PACRGL: variants seen among roughly 807,000 people sequenced by gnomAD.
The protein encoded by PACRGL is parkin coregulated like.
In PACRGL, 38 loss-of-function variants were observed where a neutral mutation model predicts 34.5. That is an observed-to-expected ratio of 1.10 (90% confidence interval 0.85 to 1.44). PACRGL has a LOEUF of 1.44. Among genes scored for constraint, PACRGL ranks in the 40% most tolerant of loss-of-function variants. The pLI, the probability that PACRGL is intolerant of heterozygous loss-of-function variation, is 0.00. For missense variants in PACRGL, 305 were observed against 281.4 expected, an observed-to-expected ratio of 1.08 and a Z score of -0.60; for synonymous variants, 128 against 100.1, an observed-to-expected ratio of 1.28 and a Z score of -1.66.
At chr4:20,705,343 C>A (rs1400106318) in intron 3 of PACRGL, among the ~76,000 whole-genome samples, 1 of 152,066 alleles carries the variant, frequency 6.6e-6, no homozygotes. Context: ...GTTATTTGCC[C>A]CATGCCCAAC....
Position 20,728,513 on chromosome 4 carries a change from T to C in PACRGL, c.*1172T>C, listed in dbSNP as rs1027471606. ...CTTGCTTTTACCTGTTTTCATTGCA[T>C]TGAGCACCATCCAGAGCTATCTGCC... On this transcript the variant is annotated 3_prime_UTR_variant, in exon 9 of 9. Transcript: ENST00000503585. 6.6e-6 allele frequency: 1 copy of C among 152,328 alleles called. No individual in the cohort carries two copies. Among genetic ancestry groups the C allele is most frequent in the African/African-American group, 2.4e-5 (1 of 41,454 alleles). The allele number at this position is 152,328 out of a possible 1,614,324, so 9.4% of individuals were successfully genotyped here. A position where few individuals can be genotyped will look rare whatever the true frequency, so the allele number is the denominator to read the frequency against.
At chr4:20,711,208 A>G (rs1474909296) in intron 5 of PACRGL, among the ~76,000 whole-genome samples, 1 of 152,064 alleles carries the variant, frequency 6.6e-6, no homozygotes, top group Non-Finnish European at 1.5e-5. Context: ...TTGAAAGTGT[A>G]GTGAAGCTAA....
At chr4:20,710,380 T>G (rs1258225598) in intron 5 of PACRGL, among the ~76,000 whole-genome samples, 3 of 152,238 alleles carry the variant, frequency 2.0e-5, no homozygotes, top group Non-Finnish European at 4.4e-5. Flanking sequence ...TGCTATCTTC[T>G]ATGAATTTTA....
At chr4:20,743,054 G>A (rs1302708778) in intron 8 of PACRGL, among the ~76,000 whole-genome samples, 2 of 123,364 alleles carry the variant, frequency 1.6e-5, no homozygotes, top group Non-Finnish European at 3.4e-5. Flanking sequence ...TTATAAGGGT[G>A]TGAAGGACCC....
rs188710353 is a variant in PACRGL, at chr4:20,721,673, C to T, written c.610-3135C>T. Among the ~76,000 whole-genome samples the T allele has an allele frequency of 2.4e-3, 366 of 152,294 alleles. 8 individuals are homozygous for T. In the South Asian group the frequency reaches 0.047, roughly 20 times the overall value. ...TGAACAGCAAATGTTGCTGCCTGAT[C>T]GTTCCTCTGGAAGTTTCGTCTCAGA... is the stretch of plus-strand genomic sequence containing the variant. On this transcript the variant is annotated intron_variant, in intron 7 of 8. Coordinates refer to ENST00000503585, the MANE Select transcript of PACRGL (RefSeq NM_001258345.3).
chr4:20,704,781 A>T lies in PACRGL; in HGVS notation c.174A>T (p.Pro58=), dbSNP rs772282781. 1.2e-5 allele frequency: 20 copies of T among 1,614,136 alleles called. No individual in the cohort carries two copies. The highest frequency in any genetic ancestry group is 1.7e-5 in the Non-Finnish European group (20 of 1,179,990). Residue 58 remains proline, a synonymous_variant, in exon 3 of 9, where the codon CCA becomes CCT. Coordinates refer to ENST00000503585, the MANE Select transcript of PACRGL (RefSeq NM_001258345.3). ...CTGCAAGAAAACTTCATCCTAGACC[A>T]AGTGATAAACTGAACCCTAAAACAA... ...PESARKLHPR[P]SDKLNPKTIN...
chr4:20,729,707 AATCCTAGGACTGAAT>A lies in PACRGL; in HGVS notation c.*2368_*2382del, dbSNP rs372306746. The A allele has an allele frequency of 1.8e-5, 3 of 166,842 alleles. No individual in the cohort carries two copies. The highest frequency in any genetic ancestry group is 7.1e-5 in the African/African-American group (3 of 42,070). 10.3% of individuals were successfully genotyped at this position (166,842 alleles called of 1,614,324 possible). Reference sequence around the variant, plus strand: ...GTCACTATATTAGAAAACCATTCAAAATCCTAGGACTGAATACATACAAATGAGTAGCAAAAAACA... The same window carrying A: ...GTCACTATATTAGAAAACCATTCAAAACATACAAATGAGTAGCAAAAAACA... On this transcript the variant is annotated 3_prime_UTR_variant, in exon 9 of 9. Transcript: ENST00000503585.
In PACRGL at chr4:20,731,406, A is replaced by G. The variant is rs1748164020; in HGVS notation, c.*4065A>G. The G allele has an allele frequency of 3.0e-6, 3 of 985,228 alleles. No individual in the cohort carries two copies. The highest frequency in any genetic ancestry group is 1.7e-5 in the African/African-American group (1 of 57,228). The allele number at this position is 985,228 out of a possible 1,614,324, so 61.0% of individuals were successfully genotyped here. On this transcript the variant is annotated 3_prime_UTR_variant, in exon 9 of 9. Coordinates refer to ENST00000503585, the MANE Select transcript of PACRGL (RefSeq NM_001258345.3). ...TTTTTAACTGTGGTTCTGCCCACAC[A>G]TCAAGTCAAATAATTCTAAGTAAGC...
upstream of PACRGL, among the ~76,000 whole-genome samples, chr4:20,699,396 T>G (rs77448334): frequency 8.1e-3 from 1,229 of 152,294 alleles, 27 homozygotes; most frequent in African/African-American, 0.028. Flanking sequence ...TCACAGAACA[T>G]TAGAGAAATT....
In PACRGL at chr4:20,709,669, C is replaced by A; in HGVS notation, c.276-14C>A. The A allele has an allele frequency of 6.5e-7, 1 of 1,530,724 alleles. No homozygotes were observed. The highest frequency in any genetic ancestry group is 1.4e-5 in the African/African-American group (1 of 72,366). The allele number at this position is 1,530,724 out of a possible 1,614,324, so 94.8% of individuals were successfully genotyped here. A position where few individuals can be genotyped will look rare whatever the true frequency, so the allele number is the denominator to read the frequency against. ...ATATTTTTCTTGTTGCATTCACTAA[C>A]TTTTATATTTTAGATTGGTACATGG... On this transcript the variant is annotated splice_polypyrimidine_tract_variant and intron_variant, in intron 4 of 8. Coordinates refer to ENST00000503585, the MANE Select transcript of PACRGL (RefSeq NM_001258345.3).
At chr4:20,746,252 C>T (rs1289008609) in intron 8 of PACRGL, among the ~76,000 whole-genome samples, 2 of 152,104 alleles carry the variant, frequency 1.3e-5, no homozygotes, top group Non-Finnish European at 2.9e-5. Flanking sequence ...AACCGTCATT[C>T]TCAGCAAACT....
At chr4:20,707,093 TA>T (rs1734832840) in intron 3 of PACRGL, among the ~76,000 whole-genome samples, 1 of 152,228 alleles carries the variant, frequency 6.6e-6, no homozygotes, top group Non-Finnish European at 1.5e-5. Context: ...TTCATTTGAT[TA>T]TATATTAAAA....
At chr4:20,734,538 A>G (rs1222097367), downstream of PACRGL, 6 of 636,788 alleles carry the variant, frequency 9.4e-6, no homozygotes, top group Non-Finnish European at 1.5e-5. Flanking sequence ...CCTCAAAAAA[A>G]CTTTTCAAAT....
At position 20,710,194 on chromosome 4, in the gene PACRGL, C is replaced by G. The variant is rs147291912; in HGVS notation, c.366+421C>G. Among the ~76,000 whole-genome samples the G allele has an allele frequency of 3.2e-3, 485 of 152,218 alleles. 1 individual carries two copies. Among genetic ancestry groups the G allele is most frequent in the Middle Eastern group, 0.017 (5 of 294 alleles). ...GTGTTTCTTAGGGAATTGATACTAC[C>G]TACCTAAATGTTCTTTTGGAGAATA... On this transcript the variant is annotated intron_variant, in intron 5 of 8. Coordinates refer to ENST00000503585, the MANE Select transcript of PACRGL (RefSeq NM_001258345.3).
chr4:20,722,239 T>C (rs576946780), intron 7 of PACRGL, among the ~76,000 whole-genome samples: 5 of 152,360 alleles, frequency 3.3e-5, no homozygotes, highest in African/African-American at 9.6e-5. Context: ...TTTGCTTGGC[T>C]AGGAAAGGGA....
chr4:20,743,353 T>C (rs1352062981), intron 8 of PACRGL, among the ~76,000 whole-genome samples: 2 of 152,210 alleles, frequency 1.3e-5, no homozygotes, highest in East Asian at 3.9e-4. Context: ...GACATCATGC[T>C]GCCTGACTTC....
chr4:20,719,306 G>C (rs985613426), intron 7 of PACRGL, among the ~76,000 whole-genome samples: 2 of 152,014 alleles, frequency 1.3e-5, no homozygotes, highest in African/African-American at 2.4e-5. Context: ...TTTTTTGAAG[G>C]GTGTTTTGTG....
At chr4:20,726,282 A>G (rs1745589383) in intron 8 of PACRGL, among the ~76,000 whole-genome samples, 1 of 151,656 alleles carries the variant, frequency 6.6e-6, no homozygotes, top group Admixed American at 6.6e-5. Flanking sequence ...AGAAATATCA[A>G]ATTCTTTTTT....
At chr4:20,734,146 G>T (rs6447975), downstream of PACRGL, among the ~76,000 whole-genome samples, 49,307 of 152,018 alleles carry the variant, frequency 0.32, 8,516 homozygotes, top group African/African-American at 0.43. Flanking sequence ...AATAAACTGT[G>T]TAATACGAGT....
Sources: allele counts gnomAD v4.1 joint callset (sites outside exome capture counted in the v4.1 genomes callset), GRCh38; gene constraint gnomAD v4.1.1; transcripts MANE v1.5; gene names NCBI Gene and HGNC (gene_info 2026-07-23, HGNC 2026-07-21).